Variants in TMOD2 observed in about 807,000 individuals in gnomAD.
The protein encoded by TMOD2 is tropomodulin-2.
A neutral mutation model predicts 39.9 loss-of-function variants in TMOD2; 22 were observed. The ratio of observed to expected loss-of-function variants is 0.55; its 90% CI spans 0.39 to 0.79. The LOEUF (loss-of-function observed/expected upper bound fraction) is 0.79. TMOD2 is among the 30% of genes least tolerant of loss of function. The pLI, the probability that TMOD2 is intolerant of heterozygous loss-of-function variation, is 0.00. For synonymous variants in TMOD2, 123 were observed against 146.1 expected, an observed-to-expected ratio of 0.84 and a Z score of 1.14; for missense variants, 386 against 413.3, an observed-to-expected ratio of 0.93 and a Z score of 0.57.
At chr15:51,788,109 G>A (rs940033077) in intron 7 of TMOD2, among the ~76,000 whole-genome samples, 2 of 152,146 alleles carry the variant, frequency 1.3e-5, no homozygotes, top group Non-Finnish European at 2.9e-5. Context: ...AAGGTTAGAC[G>A]AATGGCTAAA....
chr15:51,769,941 G>A (rs1346691422), intron 3 of TMOD2, among the ~76,000 whole-genome samples: 1 of 152,112 alleles, frequency 6.6e-6, no homozygotes, highest in Non-Finnish European at 1.5e-5. Flanking sequence ...TGATATGGGA[G>A]GATTGCTTGA....
chr15:51,792,831 A>G (rs1434941754), intron 7 of TMOD2, among the ~76,000 whole-genome samples: 1 of 152,108 alleles, frequency 6.6e-6, no homozygotes, highest in East Asian at 1.9e-4. Context: ...ACATGGACAC[A>G]GGGAGGGGAA....
intron 1 of TMOD2, among the ~76,000 whole-genome samples, chr15:51,758,270 T>C (rs2055756294): frequency 6.6e-6 from 1 of 152,200 alleles, no homozygotes; most frequent in Non-Finnish European, 1.5e-5. Flanking sequence ...AATTAATTAA[T>C]GTATTTTCCT....
chr15:51,767,594 T>A (rs555705475), intron 2 of TMOD2, among the ~76,000 whole-genome samples: 12 of 151,708 alleles, frequency 7.9e-5, no homozygotes, highest in African/African-American at 2.9e-4. Context: ...ATGCTGGAAA[T>A]TGCTCCGTGT....
In TMOD2 at chr15:51,768,287, G is replaced by T; in HGVS notation, c.152G>T (p.Arg51Leu). 1 of 1,614,092 alleles carries T rather than the reference G, an allele frequency of 6.2e-7. No homozygotes were observed. The highest frequency in any genetic ancestry group is 1.1e-5 in the South Asian group (1 of 91,060). The change falls in exon 3 of 10, where the codon CGA (arginine) becomes CTA (leucine). Residue 51 changes from arginine (R) to leucine (L), a missense_variant. Physicochemically the swap from Arg to Leu is moderately radical, Grantham distance 102 (BLOSUM62 -2). Coordinates refer to ENST00000249700, the MANE Select transcript of TMOD2 (RefSeq NM_014548.4). ...AGTGCCATGCTGCCAGCTGGATTTC[G>T]ACAGAAAGACCAGACACAGAAGGCA... is the stretch of plus-strand genomic sequence containing the variant. ...PESAMLPAGF[R>L]QKDQTQKAAT... is the part of the protein sequence containing the mutation.
At position 51,775,647 on chromosome 15, in the gene TMOD2, G is replaced by A. The variant is rs1034152784; in HGVS notation, c.407-1285G>A. Among the ~76,000 whole-genome samples the A allele has an allele frequency of 2.3e-5, 3 of 128,976 alleles. No homozygotes were observed. The Admixed American group carries it at 3.0e-4, about 13-fold the overall frequency. 84.6% of individuals were successfully genotyped at this position (128,976 alleles called of 152,430 possible). A position where few individuals can be genotyped will look rare whatever the true frequency, so the allele number is the denominator to read the frequency against. Reference sequence around the variant, plus strand: ...GGCTGGAGTACAGTGGCACAATCTCGGCTCACTGCAACCTCCACCTCCGGA... The same window carrying A: ...GGCTGGAGTACAGTGGCACAATCTCAGCTCACTGCAACCTCCACCTCCGGA... On this transcript the variant is annotated intron_variant, in intron 4 of 9. Coordinates refer to ENST00000249700, the MANE Select transcript of TMOD2 (RefSeq NM_014548.4).
chr15:51,775,630 T>C (rs1454351667), intron 4 of TMOD2, among the ~76,000 whole-genome samples: 1 of 131,550 alleles, frequency 7.6e-6, no homozygotes, highest in Non-Finnish European at 1.5e-5. Flanking sequence ...CAGGCTGGAG[T>C]ACAGTGGCAC....
intron 8 of TMOD2, among the ~76,000 whole-genome samples, chr15:51,802,538 T>A (rs997529959): frequency 1.3e-5 from 2 of 152,338 alleles, no homozygotes; most frequent in African/African-American, 4.8e-5. Flanking sequence ...GGGACTCAGA[T>A]ACTTGGGAAT....
chr15:51,753,834 T>C (rs1192876793), intron 1 of TMOD2, among the ~76,000 whole-genome samples: 2 of 151,986 alleles, frequency 1.3e-5, no homozygotes, highest in Non-Finnish European at 2.9e-5. Flanking sequence ...TGACGGTTGG[T>C]GAATCAAGAA....
intron 1 of TMOD2, among the ~76,000 whole-genome samples, chr15:51,757,543 A>C (rs1303004904): frequency 6.6e-6 from 1 of 152,064 alleles, no homozygotes; most frequent in African/African-American, 2.4e-5. Flanking sequence ...CTGTTTTCCT[A>C]ACTGGCTCCT....
rs2055816275 is a variant in TMOD2, at chr15:51,766,386, C to A, written c.-56C>A. 10 of 1,536,452 alleles carry A rather than the reference C, an allele frequency of 6.5e-6. No individual in the cohort carries two copies. In the African/African-American group the frequency reaches 1.3e-4, roughly 19 times the overall value. ...TTTTATTAACAGTATTCTGAAGTCTCAGGAAACTGGACCATTTAAATGTGC... is the reference window on the plus strand; with the variant it reads ...TTTTATTAACAGTATTCTGAAGTCTAAGGAAACTGGACCATTTAAATGTGC... On this transcript the variant is annotated 5_prime_UTR_variant, in exon 2 of 10. Transcript: ENST00000249700.
chr15:51,774,270 G>A (rs1182416129), intron 4 of TMOD2, among the ~76,000 whole-genome samples: 1 of 152,126 alleles, frequency 6.6e-6, no homozygotes, highest in Non-Finnish European at 1.5e-5. Context: ...CTTAACAATA[G>A]CAACATGATA....
chr15:51,753,049 G>GGGA (rs1209493896), intron 1 of TMOD2: 2 of 152,208 alleles, frequency 1.3e-5, no homozygotes, highest in Non-Finnish European at 2.9e-5. Flanking sequence ...ATGGAGGTCG[G>GGGA]GGAGGAAGCC....
At chr15:51,775,047 C>A (rs2055877567) in intron 4 of TMOD2, among the ~76,000 whole-genome samples, 1 of 152,178 alleles carries the variant, frequency 6.6e-6, no homozygotes, top group Admixed American at 6.5e-5. Flanking sequence ...CTGGCTGGGG[C>A]TGTTGGCAGC....
intron 6 of TMOD2, among the ~76,000 whole-genome samples, chr15:51,782,468 T>C (rs2055937352): frequency 2.0e-5 from 3 of 152,146 alleles, no homozygotes; most frequent in African/African-American, 7.2e-5. Context: ...TCTGCATACT[T>C]TCTTGGTTAG....
At position 51,815,444 on chromosome 15, in the gene TMOD2, A is replaced by G. The variant is rs564664634; in HGVS notation, c.*6990A>G. 6.6e-5 allele frequency: 10 copies of G among 152,250 alleles called. No homozygotes were observed. Among genetic ancestry groups the G allele is most frequent in the African/African-American group, 2.4e-4 (10 of 41,548 alleles). The allele number at this position is 152,250 out of a possible 1,614,324, so 9.4% of individuals were successfully genotyped here. A position where few individuals can be genotyped will look rare whatever the true frequency, so the allele number is the denominator to read the frequency against. On this transcript the variant is annotated 3_prime_UTR_variant, in exon 10 of 10. Coordinates refer to ENST00000249700, the MANE Select transcript of TMOD2 (RefSeq NM_014548.4). ...AAGTATTGACTGGGAAAAAGAGAGA[A>G]GTCAATCAAAAGTATACTGTGCAAT... is the stretch of plus-strand genomic sequence containing the variant.
At chr15:51,764,341 C>G (rs967047727) in intron 1 of TMOD2, among the ~76,000 whole-genome samples, 2 of 152,046 alleles carry the variant, frequency 1.3e-5, no homozygotes, top group African/African-American at 4.8e-5. Context: ...AGAAGCTGAG[C>G]TAATGGAAAA....
intron 5 of TMOD2, among the ~76,000 whole-genome samples, chr15:51,779,284 C>G (rs1235719408): frequency 6.6e-6 from 1 of 152,188 alleles, no homozygotes; most frequent in Non-Finnish European, 1.5e-5. Context: ...GCATAACCTT[C>G]TGGACGTTTA....
intron 4 of TMOD2, 106 bp downstream of exon 4, chr15:51,773,940 C>A: frequency 7.9e-7 from 1 of 1,269,662 alleles, no homozygotes; most frequent in Non-Finnish European, 1.1e-6. Context: ...AGGAGAATGA[C>A]AGGTTGACAC....
Sources: allele counts gnomAD v4.1 joint callset (sites outside exome capture counted in the v4.1 genomes callset), GRCh38; gene constraint gnomAD v4.1.1; transcripts MANE v1.5; gene names NCBI Gene and HGNC (gene_info 2026-07-23, HGNC 2026-07-21).